The following DMD variants were observed in gnomAD, a reference collection of about 807,000 sequenced individuals.
DMD encodes dystrophin.
A neutral mutation model predicts 330.1 loss-of-function variants in DMD; 63 were observed. The observed-to-expected ratio is 0.19, with a 90% confidence interval of 0.16 to 0.24. The LOEUF (loss-of-function observed/expected upper bound fraction) is 0.24, where lower values mean the gene tolerates loss of function less well. Ranked by LOEUF, DMD falls within the 10% of genes least tolerant of loss-of-function variation. DMD has a pLI of 1.00. For missense variants in DMD, 3,344 were observed against 2,684.1 expected, an observed-to-expected ratio of 1.25 and a Z score of -5.43; for synonymous variants, 1,223 against 959.8, an observed-to-expected ratio of 1.27 and a Z score of -5.07.
chrX:32,457,752 A>G (rs953199801), intron 25 of DMD, among the ~76,000 whole-genome samples: 6 of 110,153 alleles, frequency 5.4e-5, no homozygotes. Flanking sequence ...AGATCTGACG[A>G]AAGAGATCTG....
intron 17 of DMD, among the ~76,000 whole-genome samples, chrX:32,527,496 G>A (rs1318058099): frequency 9.1e-6 from 1 of 109,793 alleles, no homozygotes; most frequent in Non-Finnish European, 1.9e-5. Flanking sequence ...ATCTGTGAAG[G>A]TTTTCTTGAT....
At position 31,393,208 on chromosome X, in the gene DMD, T is replaced by A. The variant is rs757683947; in HGVS notation, c.9085-44574A>T. Among the ~76,000 whole-genome samples the A allele has an allele frequency of 3.6e-5, 4 of 111,906 alleles. No individual in the cohort carries two copies. In the East Asian group the frequency reaches 1.1e-3, roughly 31 times the overall value. ...AATATTTTTTCTTGGCTGGGCATGG[T>A]GGCTCATGCCTGTCATCCCAGCACT... On this transcript the variant is annotated intron_variant, in intron 60 of 78. Coordinates refer to ENST00000357033, the MANE Select transcript of DMD (RefSeq NM_004006.3).
chrX:33,088,817 G>A (rs1481900239), intron 1 of DMD, among the ~76,000 whole-genome samples: 1 of 111,913 alleles, frequency 8.9e-6, no homozygotes, highest in South Asian at 3.7e-4. Flanking sequence ...GAAATATTTT[G>A]CTTTTTTGAA....
chrX:32,539,616 C>T (rs763827533), intron 17 of DMD, among the ~76,000 whole-genome samples: 2 of 110,998 alleles, frequency 1.8e-5, no homozygotes, highest in Admixed American at 9.6e-5. Flanking sequence ...AGTTTAGAAA[C>T]TGAAGTTATA....
At chrX:31,638,704 C>G (rs1162643602) in intron 54 of DMD, among the ~76,000 whole-genome samples, 3 of 112,376 alleles carry the variant, frequency 2.7e-5, no homozygotes, top group African/African-American at 9.7e-5. Flanking sequence ...TCCCTGTATG[C>G]AGGTATATCT....
At chrX:32,215,126 G>C (rs1268504032) in intron 44 of DMD, among the ~76,000 whole-genome samples, 1 of 111,561 alleles carries the variant, frequency 9.0e-6, no homozygotes, top group Non-Finnish European at 1.9e-5. Context: ...ATTAGCCATA[G>C]ATTAGACTTT....
At chrX:32,791,245 G>C (rs970122956) in intron 7 of DMD, among the ~76,000 whole-genome samples, 1 of 111,529 alleles carries the variant, frequency 9.0e-6, no homozygotes, top group Non-Finnish European at 1.9e-5. Flanking sequence ...GCCATTACCC[G>C]CACCATGCTT....
At chrX:32,444,533 A>C (rs1342721023) in intron 27 of DMD, among the ~76,000 whole-genome samples, 1 of 111,271 alleles carries the variant, frequency 9.0e-6, no homozygotes, top group African/African-American at 3.3e-5. Context: ...CATAAAGATA[A>C]TAGAACAATT....
At chrX:31,848,368 TGAA>T (rs1291617258) in intron 48 of DMD, among the ~76,000 whole-genome samples, 1 of 111,342 alleles carries the variant, frequency 9.0e-6, no homozygotes, top group Non-Finnish European at 1.9e-5. Flanking sequence ...TCAGATAAGG[TGAA>T]GAAGGCCACC....
At chrX:32,088,664 A>C (rs1178621845) in intron 44 of DMD, among the ~76,000 whole-genome samples, 1 of 92,808 alleles carries the variant, frequency 1.1e-5, no homozygotes, top group Non-Finnish European at 2.1e-5. Context: ...TATTTAAATG[A>C]AAATAGCTCT....
intron 49 of DMD, 26 bp downstream of exon 49, chrX:31,836,692 G>A (rs72466589): frequency 3.6e-6 from 4 of 1,120,988 alleles, no homozygotes; most frequent in Non-Finnish European, 4.9e-6. Context: ...TGAGGTAATG[G>A]ATATTGCTAG....
intron 62 of DMD, among the ~76,000 whole-genome samples, chrX:31,311,431 C>T (rs1302664524): frequency 2.7e-5 from 3 of 111,895 alleles, no homozygotes; most frequent in Non-Finnish European, 3.8e-5. Flanking sequence ...GCCATACTCT[C>T]TATCTTAGGG....
chrX:32,720,506 T>A (rs1025117187), intron 7 of DMD, among the ~76,000 whole-genome samples: 1 of 112,246 alleles, frequency 8.9e-6, no homozygotes, highest in African/African-American at 3.2e-5. Flanking sequence ...TTTTAACGCC[T>A]TTTTAGAAAC....
chrX:32,829,857 T>A (rs150450988), intron 4 of DMD, among the ~76,000 whole-genome samples: 1,929 of 111,900 alleles, frequency 0.017, 46 homozygotes, highest in African/African-American at 0.059. Flanking sequence ...TAAAACTATG[T>A]CTGGATAGAA....
intron 2 of DMD, among the ~76,000 whole-genome samples, chrX:33,019,877 G>A (rs2093880442): frequency 9.0e-6 from 1 of 110,859 alleles, no homozygotes; most frequent in African/African-American, 3.3e-5. Context: ...TAAACTCTGA[G>A]GACTCATGTC....
rs184047293 is a variant in DMD at position 32,310,286 on chromosome X, A to T, written c.5923-10T>A. 1 of 1,200,128 alleles carries T rather than the reference A, an allele frequency of 8.3e-7. No homozygotes were observed. The highest frequency in any genetic ancestry group is 1.1e-6 in the Non-Finnish European group (1 of 887,389). On this transcript the variant is annotated splice_polypyrimidine_tract_variant and intron_variant, in intron 41 of 78. Transcript: ENST00000357033. ...CTTCACGGACAGTGTGCTGGTATAG[A>T]TATACAAAAGAACAATTTTTTTTAG...
intron 43 of DMD, among the ~76,000 whole-genome samples, chrX:32,254,940 C>T (rs1198847561): frequency 2.7e-5 from 3 of 111,796 alleles, no homozygotes; most frequent in Non-Finnish European, 5.6e-5. Flanking sequence ...CCATCTATCT[C>T]CAAAACTCTT....
At chrX:32,821,838 CT>C (rs1196690597) in intron 5 of DMD, among the ~76,000 whole-genome samples, 1 of 110,159 alleles carries the variant, frequency 9.1e-6, no homozygotes, top group Admixed American at 9.7e-5. Context: ...GAAGAAACTT[CT>C]TTTTAAGGTG....
chrX:32,064,592 A>G (rs1019922456), intron 44 of DMD, among the ~76,000 whole-genome samples: 2 of 111,715 alleles, frequency 1.8e-5, no homozygotes, highest in African/African-American at 6.5e-5. Flanking sequence ...GATTTTATTT[A>G]CAAAAACTTA....
Sources: allele counts gnomAD v4.1 joint callset (sites outside exome capture counted in the v4.1 genomes callset), GRCh38; gene constraint gnomAD v4.1.1; transcripts MANE v1.5; gene names NCBI Gene and HGNC (gene_info 2026-07-23, HGNC 2026-07-21).